The following KRT8 variants were observed in gnomAD, a reference collection of about 807,000 sequenced individuals.
KRT8 encodes the protein keratin 8.
In KRT8, 24 loss-of-function variants were observed where a neutral mutation model predicts 43.0. The observed-to-expected ratio is 0.56, with a 90% CI of 0.40 to 0.78. The LOEUF is 0.78. Among genes scored for constraint, KRT8 ranks in the 30% least tolerant of loss-of-function variants. KRT8 has a pLI of 0.00. For synonymous variants in KRT8, 214 were observed against 261.2 expected (o/e 0.82, Z 1.74); for missense variants, 492 against 638.4 (o/e 0.77, Z 2.47).
At chr12:52,922,570 G>A (rs1053745819) in intron 2 of KRT8, among the ~76,000 whole-genome samples, 6 of 152,218 alleles carry the variant, frequency 3.9e-5, no homozygotes, top group Non-Finnish European at 7.3e-5. Context: ...CTACTCGGGA[G>A]GCTGAGGCAG....
chr12:52,916,679 T>A (rs968252026), intron 2 of KRT8, among the ~76,000 whole-genome samples: 1 of 152,152 alleles, frequency 6.6e-6, no homozygotes, highest in Non-Finnish European at 1.5e-5. Context: ...CTTAGCTTGG[T>A]TCATCCCACA....
At chr12:52,918,249 AG>A in intron 2 of KRT8, among the ~76,000 whole-genome samples, 1 of 151,772 alleles carries the variant, frequency 6.6e-6, no homozygotes, top group Non-Finnish European at 1.5e-5. Flanking sequence ...AAGAAGAAGA[AG>A]AAGAAGAAAC....
chr12:52,905,094 A>T, upstream of KRT8: 2 of 1,466,010 alleles, frequency 1.4e-6, no homozygotes, highest in Non-Finnish European at 1.8e-6. Context: ...TATAAAAGAG[A>T]TCCCAGCCCC....
chr12:52,904,639 A>T lies in KRT8; in HGVS notation c.324+19T>A. 1 of 1,608,346 alleles carries T rather than the reference A, an allele frequency of 6.2e-7. No individual in the cohort carries two copies. Among genetic ancestry groups the T allele is most frequent in the Non-Finnish European group, 8.5e-7 (1 of 1,176,472 alleles). Reference sequence around the variant, plus strand: ...AAAGGGGCTGCGGGCACAGTCAGCCACGCAGGGGGGACCCTCACCTTGTCT... The same window carrying T: ...AAAGGGGCTGCGGGCACAGTCAGCCTCGCAGGGGGGACCCTCACCTTGTCT... On this transcript the variant is annotated intron_variant, in intron 1 of 7. Coordinates refer to ENST00000692008, the Ensembl canonical transcript of KRT8.
chr12:52,901,474 G>A lies in KRT8; in HGVS notation c.534-255C>T, dbSNP rs1592163738. 6 of 564,880 alleles carry A rather than the reference G, an allele frequency of 1.1e-5. No individual in the cohort carries two copies. In the East Asian group the frequency reaches 1.2e-4, roughly 12 times the overall value. The allele number at this position is 564,880 out of a possible 1,614,324, so 35.0% of individuals were successfully genotyped here. ...GGACACCTTGAGAGTGTTAACAGCA[G>A]GGCCTGACATGAGACCTCAGACAGA... On this transcript the variant is annotated intron_variant, in intron 2 of 7. Coordinates refer to ENST00000692008, the Ensembl canonical transcript of KRT8.
chr12:52,925,346 C>T (rs904223294), intron 2 of KRT8, among the ~76,000 whole-genome samples: 1 of 152,104 alleles, frequency 6.6e-6, no homozygotes, highest in East Asian at 1.9e-4. Flanking sequence ...GGGGCTCAGG[C>T]TGAGTCAGGG....
chr12:52,946,455 A>T (rs147986542), intron 2 of KRT8, among the ~76,000 whole-genome samples: 1 of 152,274 alleles, frequency 6.6e-6, no homozygotes, highest in East Asian at 1.9e-4. Context: ...ATTCACTGCC[A>T]CCTGAGGAAA....
At chr12:52,943,763 C>T (rs541331295) in intron 2 of KRT8, among the ~76,000 whole-genome samples, 216 of 152,348 alleles carry the variant, frequency 1.4e-3, no homozygotes, top group African/African-American at 5.0e-3. Context: ...CTCTCCCAAG[C>T]TCCAGCCCTG....
chr12:52,907,771 G>A (rs1244855249), upstream of KRT8, among the ~76,000 whole-genome samples: 2 of 152,176 alleles, frequency 1.3e-5, no homozygotes, highest in African/African-American at 2.4e-5. Context: ...GCACAGCCTC[G>A]GTGCAGGAGA....
At chr12:52,898,209 C>T (rs1941263600) in intron 7 of KRT8, among the ~76,000 whole-genome samples, 1 of 152,112 alleles carries the variant, frequency 6.6e-6, no homozygotes, top group Non-Finnish European at 1.5e-5. Flanking sequence ...TCACATAAAA[C>T]CTGTAGGATA....
At chr12:52,944,720 C>A (rs541829925) in intron 2 of KRT8, among the ~76,000 whole-genome samples, 2 of 152,196 alleles carry the variant, frequency 1.3e-5, no homozygotes, top group Non-Finnish European at 2.9e-5. Flanking sequence ...TGGAAAATAA[C>A]CCCTAGGGCA....
At chr12:52,922,876 A>G (rs1030860190) in intron 2 of KRT8, among the ~76,000 whole-genome samples, 1 of 152,154 alleles carries the variant, frequency 6.6e-6, no homozygotes, top group Non-Finnish European at 1.5e-5. Context: ...ACAGTCTGGG[A>G]GATGCAGGAG....
intron 2 of KRT8, among the ~76,000 whole-genome samples, chr12:52,942,572 G>A (rs186371957): frequency 3.9e-5 from 6 of 152,052 alleles, no homozygotes; most frequent in African/African-American, 1.2e-4. Flanking sequence ...CCTCAGTCCC[G>A]GGCTTCCTCC....
chr12:52,938,170 A>ATATTTT (rs1555189967), intron 2 of KRT8, among the ~76,000 whole-genome samples: 5 of 30,310 alleles, frequency 1.6e-4, no homozygotes, highest in African/African-American at 7.2e-4. Context: ...ATATATATAT[A>ATATTTT]TTTTTTTTTT....
chr12:52,905,015 C>G (rs760532833), exon 1 of KRT8: 234 of 1,587,654 alleles, frequency 1.5e-4, no homozygotes, highest in Admixed American at 2.1e-4. Context: ...GCGGGCCGAA[C>G]CAGGCGGAGA....
intron 2 of KRT8, among the ~76,000 whole-genome samples, chr12:52,922,141 G>A (rs1478151867): frequency 8.0e-6 from 1 of 124,476 alleles, no homozygotes; most frequent in African/African-American, 3.1e-5. Flanking sequence ...AATTGCACCT[G>A]TGAGTAACAA....
At chr12:52,909,768 T>C (rs1941595163), upstream of KRT8, among the ~76,000 whole-genome samples, 1 of 152,188 alleles carries the variant, frequency 6.6e-6, no homozygotes, top group South Asian at 2.1e-4. Context: ...ACCATAGAGC[T>C]TTACGCACTG....
chr12:52,902,444 C>G (rs1000812886), intron 1 of KRT8, among the ~76,000 whole-genome samples: 3 of 152,138 alleles, frequency 2.0e-5, no homozygotes, highest in African/African-American at 7.2e-5. Context: ...GTGGCAAGAT[C>G]TCAGCTCACT....
At chr12:52,928,890 GA>G (rs1435520891) in intron 2 of KRT8, among the ~76,000 whole-genome samples, 4 of 152,128 alleles carry the variant, frequency 2.6e-5, no homozygotes, top group Non-Finnish European at 5.9e-5. Context: ...TGGGCAACAA[GA>G]GTGAAACTCC....
Sources: gnomAD v4.1 joint callset for allele counts (sites outside exome capture counted in the v4.1 genomes callset) on GRCh38, gnomAD v4.1.1 for gene constraint, MANE v1.5 for transcripts, NCBI Gene and HGNC (gene_info 2026-07-23, HGNC 2026-07-21) for gene names.